Variants in SUGCT observed in about 807,000 individuals in gnomAD.
SUGCT encodes succinyl-CoA:glutarate CoA-transferase.
SUGCT carries 41 observed loss-of-function variants against 55.0 expected under a neutral mutation model. The ratio of observed to expected loss-of-function variants is 0.74; its 90% CI spans 0.58 to 0.97. SUGCT has a LOEUF of 0.97. Ranked by LOEUF, SUGCT falls within the 50% of genes least tolerant of loss-of-function variation. The probability of loss-of-function intolerance (pLI) is 0.00; values close to 1 mark genes in which losing one functional copy is unlikely to be tolerated. For missense variants in SUGCT, 568 were observed against 547.8 expected (o/e 1.04, Z -0.37); for synonymous variants, 187 against 200.4 (o/e 0.93, Z 0.56).
chr7:40,196,620 G>A (rs938941641), intron 6 of SUGCT, among the ~76,000 whole-genome samples: 1 of 152,176 alleles, frequency 6.6e-6, no homozygotes, highest in African/African-American at 2.4e-5. Flanking sequence ...GGGTAAAGGA[G>A]TGAACCACAT....
chr7:41,004,760 G>A, the SUGCT span, among the ~76,000 whole-genome samples: 1 of 151,736 alleles, frequency 6.6e-6, no homozygotes, highest in Non-Finnish European at 1.5e-5. Flanking sequence ...TTACTGTACA[G>A]TAAAATATTC....
At chr7:40,854,399 C>CT (rs1466800931) in intron 13 of SUGCT, among the ~76,000 whole-genome samples, 13 of 103,440 alleles carry the variant, frequency 1.3e-4, no homozygotes, top group African/African-American at 3.9e-4. Flanking sequence ...AAATTTTTTT[C>CT]TTTCTTTCTT....
intron 9 of SUGCT, among the ~76,000 whole-genome samples, chr7:40,424,465 T>C (rs1787477383): frequency 6.6e-6 from 1 of 152,182 alleles, no homozygotes; most frequent in East Asian, 1.9e-4. Context: ...AGTACTTTTC[T>C]TCTGGATCTT....
At chr7:40,900,009 C>A in the SUGCT span, among the ~76,000 whole-genome samples, 2 of 152,278 alleles carry the variant, frequency 1.3e-5, no homozygotes, top group Non-Finnish European at 2.9e-5. Flanking sequence ...CCTCTCTCTT[C>A]TAGAGGTCAC....
the SUGCT span, among the ~76,000 whole-genome samples, chr7:40,951,999 G>A: frequency 1.2e-4 from 19 of 152,106 alleles, no homozygotes; most frequent in South Asian, 2.1e-4. Context: ...CTCAATTCCT[G>A]GATATCCTTG....
intron 13 of SUGCT, among the ~76,000 whole-genome samples, chr7:40,816,114 C>T (rs1323692848): frequency 6.6e-6 from 1 of 152,202 alleles, no homozygotes; most frequent in African/African-American, 2.4e-5. Context: ...CTGAGGCTTG[C>T]AATGTGAGGA....
At chr7:40,891,703 G>A in the SUGCT span, among the ~76,000 whole-genome samples, 3 of 152,090 alleles carry the variant, frequency 2.0e-5, no homozygotes, top group Non-Finnish European at 4.4e-5. Flanking sequence ...CTAACAAGCT[G>A]AAAACATATG....
chr7:40,998,041 A>G, the SUGCT span, among the ~76,000 whole-genome samples: 2 of 152,120 alleles, frequency 1.3e-5, no homozygotes, highest in African/African-American at 4.8e-5. Flanking sequence ...TAGTTTTAAG[A>G]AGAATTTTCA....
intron 8 of SUGCT, among the ~76,000 whole-genome samples, chr7:40,307,144 G>C (rs1794888327): frequency 6.6e-6 from 1 of 152,166 alleles, no homozygotes; most frequent in Non-Finnish European, 1.5e-5. Context: ...TAAAAGTAGA[G>C]ATTTTAAAAC....
At chr7:40,303,075 C>G (rs753360598) in intron 8 of SUGCT, among the ~76,000 whole-genome samples, 13 of 152,016 alleles carry the variant, frequency 8.6e-5, no homozygotes, top group Admixed American at 2.6e-4. Context: ...GCCCTGTCAC[C>G]CAGGCTGGAG....
intron 9 of SUGCT, among the ~76,000 whole-genome samples, chr7:40,439,099 T>TC (rs1202290794): frequency 7.9e-6 from 1 of 127,184 alleles, no homozygotes; most frequent in Non-Finnish European, 1.6e-5. Flanking sequence ...TATATATATA[T>TC]ATATATATAT....
At chr7:40,362,337 T>G (rs1020568214) in intron 9 of SUGCT, among the ~76,000 whole-genome samples, 24 of 151,996 alleles carry the variant, frequency 1.6e-4, no homozygotes, top group Admixed American at 1.3e-3. Flanking sequence ...GAGAATCACT[T>G]GAACCCAGGA....
the SUGCT span, among the ~76,000 whole-genome samples, chr7:40,990,235 C>T: frequency 6.6e-6 from 1 of 152,232 alleles, no homozygotes; most frequent in Non-Finnish European, 1.5e-5. Flanking sequence ...AATCTCCTCA[C>T]ACATCTCCAT....
chr7:40,855,073 G>A (rs899190078), intron 13 of SUGCT, among the ~76,000 whole-genome samples: 1 of 150,524 alleles, frequency 6.6e-6, no homozygotes, highest in African/African-American at 2.4e-5. Context: ...TAGTGCTTAG[G>A]TCTTGAATTG....
intron 11 of SUGCT, among the ~76,000 whole-genome samples, chr7:40,467,966 C>CT (rs79872831): frequency 0.024 from 3,007 of 124,376 alleles, 74 homozygotes; most frequent in African/African-American, 0.061. Context: ...TACTCATTTT[C>CT]TTTTTTTTTT....
chr7:40,890,096 G>A, the SUGCT span, among the ~76,000 whole-genome samples: 4 of 151,222 alleles, frequency 2.6e-5, no homozygotes, highest in Admixed American at 6.6e-5. Context: ...GTTCTGTGTG[G>A]GTTGCCATAT....
chr7:40,937,670 T>G, the SUGCT span, among the ~76,000 whole-genome samples: 1 of 152,174 alleles, frequency 6.6e-6, no homozygotes, highest in African/African-American at 2.4e-5. Flanking sequence ...TAGCAACAAT[T>G]TTTTTTGTCT....
intron 11 of SUGCT, among the ~76,000 whole-genome samples, chr7:40,495,913 C>T (rs1340778264): frequency 6.6e-6 from 1 of 152,156 alleles, no homozygotes; most frequent in Non-Finnish European, 1.5e-5. Context: ...ATATCAGTGC[C>T]TATCCTAACC....
At chr7:40,254,998 G>A (rs1411770354) in intron 7 of SUGCT, among the ~76,000 whole-genome samples, 2 of 150,858 alleles carry the variant, frequency 1.3e-5, no homozygotes, top group African/African-American at 4.9e-5. Context: ...GTGGGGCGGG[G>A]GGAGCATCAT....
Sources: gnomAD v4.1 joint callset for allele counts (sites outside exome capture counted in the v4.1 genomes callset) on GRCh38, gnomAD v4.1.1 for gene constraint, MANE v1.5 for transcripts, NCBI Gene and HGNC (gene_info 2026-07-23, HGNC 2026-07-21) for gene names.